The following ZNRF3 variants were observed in gnomAD, a reference collection of about 807,000 sequenced individuals.
ZNRF3 encodes zinc and ring finger 3.
ZNRF3 carries 23 observed loss-of-function variants against 72.5 expected under a neutral mutation model. The ratio of observed to expected loss-of-function variants is 0.32; its 90% CI spans 0.23 to 0.45. The LOEUF (loss-of-function observed/expected upper bound fraction) is 0.45, where lower values mean the gene tolerates loss of function less well. Ranked by LOEUF, ZNRF3 falls within the 20% of genes least tolerant of loss-of-function variation. The pLI, the probability that ZNRF3 is intolerant of heterozygous loss-of-function variation, is 1.00. For synonymous variants in ZNRF3, 610 were observed against 545.3 expected, an observed-to-expected ratio of 1.12 and a Z score of -1.65; for missense variants, 1,169 against 1,272.1, an observed-to-expected ratio of 0.92 and a Z score of 1.23.
chr22:28,969,261 G>A (rs928166629), intron 1 of ZNRF3, among the ~76,000 whole-genome samples: 2 of 152,166 alleles, frequency 1.3e-5, no homozygotes, highest in African/African-American at 4.8e-5. Flanking sequence ...AAAGCACAGC[G>A]GGACTGTGGC....
At position 28,990,505 on chromosome 22, in the gene ZNRF3, C is replaced by T. The variant is rs143442906; in HGVS notation, c.426+3304C>T. On this transcript the variant is annotated intron_variant, in intron 2 of 8. Coordinates refer to ENST00000544604, the MANE Select transcript of ZNRF3 (RefSeq NM_001206998.2). ...TTTGAAACCAGCCTGGCCAATATGGCGAAATCCCATCTCTACTAAAAATAC... is the reference window on the plus strand; with the variant it reads ...TTTGAAACCAGCCTGGCCAATATGGTGAAATCCCATCTCTACTAAAAATAC... Among the ~76,000 whole-genome samples the T allele has an allele frequency of 9.6e-3, 1,466 of 152,122 alleles. 10 individuals carry two copies. The highest frequency in any genetic ancestry group is 0.015 in the Non-Finnish European group (1,051 of 67,992).
intron 2 of ZNRF3, among the ~76,000 whole-genome samples, chr22:29,024,490 T>G (rs1433067944): frequency 6.6e-6 from 1 of 152,062 alleles, no homozygotes; most frequent in East Asian, 1.9e-4. Context: ...CAAGTTGATA[T>G]AAAGTGGAGA....
At chr22:28,888,381 A>G (rs2033827783) in intron 1 of ZNRF3, among the ~76,000 whole-genome samples, 1 of 152,202 alleles carries the variant, frequency 6.6e-6, no homozygotes, top group Non-Finnish European at 1.5e-5. Context: ...GGTCTAATAG[A>G]ACAATTGTGT....
intron 2 of ZNRF3, among the ~76,000 whole-genome samples, chr22:29,031,864 G>A (rs1208191851): frequency 6.6e-6 from 1 of 152,190 alleles, no homozygotes; most frequent in Non-Finnish European, 1.5e-5. Flanking sequence ...GGTTCCTGCC[G>A]CCCTGCATTT....
chr22:29,006,296 C>G (rs906651482), intron 2 of ZNRF3, among the ~76,000 whole-genome samples: 36 of 148,386 alleles, frequency 2.4e-4, no homozygotes, highest in Admixed American at 1.4e-4. Context: ...TCACCGCAAC[C>G]TCCACCTCCC....
chr22:28,953,185 G>A (rs1370675843), intron 1 of ZNRF3, among the ~76,000 whole-genome samples: 1 of 152,222 alleles, frequency 6.6e-6, no homozygotes, highest in Non-Finnish European at 1.5e-5. Flanking sequence ...GCAGGTGCTA[G>A]CAGGGAAGGC....
intron 1 of ZNRF3, among the ~76,000 whole-genome samples, chr22:28,935,751 G>C (rs193061600): frequency 1.8e-3 from 280 of 152,296 alleles, no homozygotes; most frequent in African/African-American, 6.5e-3. Context: ...GTTTATGATA[G>C]AATCCATTTT....
chr22:28,926,374 G>T (rs896052229), intron 1 of ZNRF3, among the ~76,000 whole-genome samples: 1 of 151,678 alleles, frequency 6.6e-6, no homozygotes, highest in Non-Finnish European at 1.5e-5. Context: ...GAGATGGGGG[G>T]GTCTCTCTAT....
At chr22:28,889,129 C>T (rs897386734) in intron 1 of ZNRF3, among the ~76,000 whole-genome samples, 1 of 151,864 alleles carries the variant, frequency 6.6e-6, no homozygotes, top group Non-Finnish European at 1.5e-5. Flanking sequence ...AAAAAAGAAA[C>T]CCAGGTCTGC....
intron 1 of ZNRF3, among the ~76,000 whole-genome samples, chr22:28,893,343 A>G (rs2033927175): frequency 6.6e-6 from 1 of 152,108 alleles, no homozygotes; most frequent in South Asian, 2.1e-4. Flanking sequence ...TAGATACCGT[A>G]TAGAGAAGAA....
chr22:28,886,472 T>G (rs2033789886), intron 1 of ZNRF3, among the ~76,000 whole-genome samples: 1 of 152,208 alleles, frequency 6.6e-6, no homozygotes, highest in Non-Finnish European at 1.5e-5. Context: ...TTTACTATCT[T>G]GAAAAACCTT....
At chr22:28,894,771 A>C (rs2033959778) in intron 1 of ZNRF3, among the ~76,000 whole-genome samples, 1 of 152,182 alleles carries the variant, frequency 6.6e-6, no homozygotes, top group Non-Finnish European at 1.5e-5. Flanking sequence ...TCAGGGGTGC[A>C]TTTAAGCAGC....
chr22:29,029,953 G>T (rs906891165), intron 2 of ZNRF3, among the ~76,000 whole-genome samples: 1 of 152,156 alleles, frequency 6.6e-6, no homozygotes, highest in South Asian at 2.1e-4. Context: ...CCTTTTTGAA[G>T]TTTCTAGTTG....
Position 28,970,766 on chromosome 22 carries a change from A to T in ZNRF3, c.301-16310A>T, listed in dbSNP as rs372642359. Among the ~76,000 whole-genome samples the T allele has an allele frequency of 1.1e-3, 172 of 152,344 alleles. 5 individuals are homozygous for T. In the South Asian group the frequency reaches 0.034, roughly 30 times the overall value. ...TTCCCTTCCCCCCAAAAAAGAGTGCATGATACATCATGTTTCCGTTTATGT... is the reference window on the plus strand; with the variant it reads ...TTCCCTTCCCCCCAAAAAAGAGTGCTTGATACATCATGTTTCCGTTTATGT... On this transcript the variant is annotated intron_variant, in intron 1 of 8. Coordinates refer to ENST00000544604, the MANE Select transcript of ZNRF3 (RefSeq NM_001206998.2).
intron 1 of ZNRF3, among the ~76,000 whole-genome samples, chr22:28,968,148 T>C (rs1482312394): frequency 6.6e-6 from 1 of 152,132 alleles, no homozygotes; most frequent in Non-Finnish European, 1.5e-5. Context: ...TAACTACTAT[T>C]TTTCTTCTTC....
chr22:29,001,654 G>C (rs2036150845), intron 2 of ZNRF3, among the ~76,000 whole-genome samples: 1 of 151,928 alleles, frequency 6.6e-6, no homozygotes, highest in Non-Finnish European at 1.5e-5. Context: ...TTATTTTTCA[G>C]TAGAGGCGGG....
chr22:28,897,610 G>A (rs753438969), intron 1 of ZNRF3, among the ~76,000 whole-genome samples: 4 of 152,210 alleles, frequency 2.6e-5, no homozygotes, highest in African/African-American at 4.8e-5. Flanking sequence ...GTGAGCCACC[G>A]CACCTGGCCT....
intron 1 of ZNRF3, among the ~76,000 whole-genome samples, chr22:28,900,748 T>A (rs2034086597): frequency 6.6e-6 from 1 of 152,224 alleles, no homozygotes; most frequent in African/African-American, 2.4e-5. Flanking sequence ...CTTTGCTTGC[T>A]GACTTGGAGC....
intron 1 of ZNRF3, among the ~76,000 whole-genome samples, chr22:28,985,114 C>G (rs1002339284): frequency 1.3e-5 from 2 of 152,188 alleles, no homozygotes; most frequent in Non-Finnish European, 2.9e-5. Context: ...GGCCTGCACC[C>G]TTTGCCCTCC....
Sources: gnomAD v4.1 joint callset for allele counts (sites outside exome capture counted in the v4.1 genomes callset) on GRCh38, gnomAD v4.1.1 for gene constraint, MANE v1.5 for transcripts, NCBI Gene and HGNC (gene_info 2026-07-23, HGNC 2026-07-21) for gene names.